Variants in BUB1B observed in about 807,000 individuals in gnomAD.
BUB1B encodes the protein mitotic checkpoint serine/threonine-protein kinase BUB1 beta.
BUB1B carries 86 observed loss-of-function variants against 137.7 expected under a neutral mutation model. The ratio of observed to expected loss-of-function variants is 0.62; its 90% CI spans 0.52 to 0.75. The LOEUF is 0.75. Ranked by LOEUF, BUB1B falls within the 30% of genes least tolerant of loss-of-function variation. BUB1B has a pLI of 0.00. For synonymous variants in BUB1B, 420 were observed against 417.9 expected (o/e 1.00, Z -0.06); for missense variants, 1,130 against 1,236.9 (o/e 0.91, Z 1.30).
chr15:40,205,776 A>G (rs1003896812), intron 14 of BUB1B, among the ~76,000 whole-genome samples: 8 of 152,372 alleles, frequency 5.3e-5, no homozygotes, highest in African/African-American at 1.9e-4. Flanking sequence ...TATGCTATGC[A>G]TATATCCTAC....
At chr15:40,201,060 A>G (rs1395166252) in intron 12 of BUB1B, 80 bp downstream of exon 12, 5 of 1,355,298 alleles carry the variant, frequency 3.7e-6, no homozygotes, top group Admixed American at 1.7e-5. Context: ...ATTTTTAATT[A>G]TGATAAAGGG....
chr15:40,177,303 C>T (rs1430614514), intron 5 of BUB1B, among the ~76,000 whole-genome samples: 1 of 152,048 alleles, frequency 6.6e-6, no homozygotes, highest in Middle Eastern at 3.2e-3. Flanking sequence ...TTTTGTCTAG[C>T]CAAAGATTGT....
In BUB1B at chr15:40,217,493, C is replaced by G; in HGVS notation, c.2679-3C>G. On this transcript the variant is annotated splice_polypyrimidine_tract_variant and splice_region_variant and intron_variant, in intron 20 of 22. Coordinates refer to ENST00000287598, the MANE Select transcript of BUB1B (RefSeq NM_001211.6). ...TATCTCCTTCTCTTAAATCTGGGCT[C>G]AGAATCCACGATCCCTATGATTGTA... 4 of 1,613,962 alleles carry G rather than the reference C, an allele frequency of 2.5e-6. No homozygotes were observed. Among genetic ancestry groups the G allele is most frequent in the Non-Finnish European group, 3.4e-6 (4 of 1,179,934 alleles).
At chr15:40,184,450 G>A (rs990161578) in intron 6 of BUB1B, among the ~76,000 whole-genome samples, 2 of 152,112 alleles carry the variant, frequency 1.3e-5, no homozygotes, top group Non-Finnish European at 1.5e-5. Context: ...GATTATAGGT[G>A]TGAGCCACTG....
chr15:40,194,413 G>A (rs1023640907), intron 8 of BUB1B, among the ~76,000 whole-genome samples: 1 of 152,144 alleles, frequency 6.6e-6, no homozygotes, highest in African/African-American at 2.4e-5. Context: ...TCTTGTTCCT[G>A]ATCTTAGGGG....
intron 21 of BUB1B, 98 bp downstream of exon 21, chr15:40,217,765 C>T (rs183886569): frequency 6.5e-6 from 9 of 1,389,798 alleles, no homozygotes; most frequent in Non-Finnish European, 8.2e-6. Context: ...GATACCGACT[C>T]CTAGAATAGA....
At chr15:40,190,526 A>T (rs994314363) in intron 8 of BUB1B, among the ~76,000 whole-genome samples, 7 of 152,130 alleles carry the variant, frequency 4.6e-5, no homozygotes, top group Non-Finnish European at 7.3e-5. Flanking sequence ...AGGTGGGAGG[A>T]TTGTTTGTGC....
At chr15:40,170,264 T>C in intron 3 of BUB1B, 143 bp downstream of exon 3, 1 of 843,874 alleles carries the variant, frequency 1.2e-6, no homozygotes. Flanking sequence ...ATAATCATAA[T>C]ATATCTTCCT....
intron 13 of BUB1B, 21 bp from the exon 14 acceptor site, chr15:40,202,568 G>A (rs1246222632): frequency 1.9e-6 from 3 of 1,610,088 alleles, no homozygotes; most frequent in Non-Finnish European, 2.6e-6. Context: ...AAATTGCTAA[G>A]TGAGGTATGT....
intron 2 of BUB1B, among the ~76,000 whole-genome samples, chr15:40,168,024 G>T (rs12911157): frequency 0.72 from 108,566 of 151,266 alleles, 39,764 homozygotes; most frequent in African/African-American, 0.84. Context: ...TGCAAACAAA[G>T]TTTGAAATCA....
At chr15:40,203,921 A>T (rs7495483) in intron 14 of BUB1B, among the ~76,000 whole-genome samples, 1 of 152,190 alleles carries the variant, frequency 6.6e-6, no homozygotes, top group African/African-American at 2.4e-5. Flanking sequence ...GGGTGATGTG[A>T]GCAGTAGCTT....
At chr15:40,171,472 G>A (rs1204927223) in intron 4 of BUB1B, among the ~76,000 whole-genome samples, 2 of 152,050 alleles carry the variant, frequency 1.3e-5, no homozygotes, top group African/African-American at 2.4e-5. Context: ...GCTTGAGCCC[G>A]GGACGTCCAG....
At chr15:40,162,861 G>A (rs555600591) in intron 1 of BUB1B, among the ~76,000 whole-genome samples, 7 of 152,158 alleles carry the variant, frequency 4.6e-5, no homozygotes, top group South Asian at 2.1e-4. Context: ...GTTATATCTC[G>A]TATTAGATCA....
intron 11 of BUB1B, 42 bp downstream of exon 11, chr15:40,200,401 C>T (rs2037552618): frequency 6.9e-7 from 1 of 1,454,668 alleles, no homozygotes; most frequent in African/African-American, 1.4e-5. Context: ...TATAGGAGGG[C>T]ATTTAGAACC....
intron 5 of BUB1B, among the ~76,000 whole-genome samples, chr15:40,180,640 T>C (rs1241682846): frequency 1.6e-5 from 2 of 126,736 alleles, no homozygotes; most frequent in Non-Finnish European, 3.2e-5. Context: ...TTTTTTCTTT[T>C]TCTTTTTTTT....
intron 20 of BUB1B, among the ~76,000 whole-genome samples, chr15:40,214,255 T>A (rs1488214153): frequency 6.6e-6 from 1 of 152,146 alleles, no homozygotes; most frequent in Non-Finnish European, 1.5e-5. Flanking sequence ...AGTGTTCAAA[T>A]TAAACCCAGT....
At chr15:40,167,003 C>G (rs2037106794) in intron 2 of BUB1B, among the ~76,000 whole-genome samples, 1 of 151,844 alleles carries the variant, frequency 6.6e-6, no homozygotes, top group Admixed American at 6.6e-5. Flanking sequence ...TTTACTTTTC[C>G]CAGGAGTATA....
chr15:40,211,893 G>A (rs2140907342), intron 18 of BUB1B, among the ~76,000 whole-genome samples: 1 of 152,118 alleles, frequency 6.6e-6, no homozygotes, highest in Non-Finnish European at 1.5e-5. Context: ...CATGATTTTG[G>A]CTCACTGCAA....
chr15:40,178,261 G>A (rs1327665224), intron 5 of BUB1B, among the ~76,000 whole-genome samples: 1 of 151,898 alleles, frequency 6.6e-6, no homozygotes, highest in East Asian at 1.9e-4. Flanking sequence ...GTGATATACT[G>A]TATTTTCATT....
Sources: gnomAD v4.1 joint callset for allele counts (sites outside exome capture counted in the v4.1 genomes callset) on GRCh38, gnomAD v4.1.1 for gene constraint, MANE v1.5 for transcripts, NCBI Gene and HGNC (gene_info 2026-07-23, HGNC 2026-07-21) for gene names.